RGS6: variants seen among roughly 807,000 people sequenced by gnomAD.
RGS6 encodes regulator of G protein signaling 6.
In RGS6, 30 loss-of-function variants were observed where a neutral mutation model predicts 78.5. The ratio of observed to expected loss-of-function variants is 0.38; its 90% CI spans 0.29 to 0.52. The LOEUF is 0.52. Ranked by LOEUF, RGS6 falls within the 20% of genes least tolerant of loss-of-function variation. The pLI is 0.85. For synonymous variants in RGS6, 206 were observed against 206.0 expected, an observed-to-expected ratio of 1.00 and a Z score of 0.00; for missense variants, 495 against 609.7, an observed-to-expected ratio of 0.81 and a Z score of 1.98.
intron 2 of RGS6, among the ~76,000 whole-genome samples, chr14:72,350,747 A>G (rs184064047): frequency 6.6e-4 from 101 of 152,296 alleles, no homozygotes; most frequent in African/African-American, 2.4e-3. Context: ...ATTTGCTGCC[A>G]TAACTTAATC....
chr14:72,396,519 C>A lies in RGS6; in HGVS notation c.184+44325C>A, dbSNP rs551830010. Among the ~76,000 whole-genome samples, 20 of 152,176 alleles carry A rather than the reference C, an allele frequency of 1.3e-4. No individual in the cohort carries two copies. In the East Asian group the frequency reaches 3.3e-3, roughly 25 times the overall value. ...TGCCTGTTCACTCTGATGGTGGTTT[C>A]TTTTGCTGTGCAGAAGCTCTTTAGT... On this transcript the variant is annotated intron_variant, in intron 3 of 17. Coordinates refer to ENST00000553525, the MANE Select transcript of RGS6 (RefSeq NM_001204424.2).
intron 5 of RGS6, among the ~76,000 whole-genome samples, chr14:72,458,898 A>T (rs1330502317): frequency 6.6e-6 from 1 of 152,208 alleles, no homozygotes; most frequent in Non-Finnish European, 1.5e-5. Flanking sequence ...TTAGGATTTC[A>T]ACATGTGAAT....
chr14:72,230,555 C>T (rs2049294376), intron 2 of RGS6, among the ~76,000 whole-genome samples: 1 of 152,096 alleles, frequency 6.6e-6, no homozygotes, highest in South Asian at 2.1e-4. Flanking sequence ...TCCAGAGACA[C>T]AGTAGGATGG....
chr14:72,215,882 T>C (rs888316053), intron 2 of RGS6, among the ~76,000 whole-genome samples: 1 of 152,190 alleles, frequency 6.6e-6, no homozygotes, highest in Non-Finnish European at 1.5e-5. Flanking sequence ...CTTTGAATAA[T>C]TTTTGCTTCT....
At chr14:71,951,708 G>A (rs752865091) in intron 1 of RGS6, among the ~76,000 whole-genome samples, 17 of 152,144 alleles carry the variant, frequency 1.1e-4, no homozygotes, top group Non-Finnish European at 2.2e-4. Context: ...TGTTTTTACA[G>A]TGTTGGCTAT....
intron 2 of RGS6, among the ~76,000 whole-genome samples, chr14:72,064,534 C>T (rs894384198): frequency 6.6e-6 from 1 of 152,176 alleles, no homozygotes. Flanking sequence ...AATTAGTCAA[C>T]TATTTCTGTG....
At chr14:72,344,734 G>A (rs1411288148) in intron 2 of RGS6, among the ~76,000 whole-genome samples, 1 of 152,202 alleles carries the variant, frequency 6.6e-6, no homozygotes, top group African/African-American at 2.4e-5. Context: ...TTGATATGGA[G>A]AAAAGATAGA....
intron 2 of RGS6, among the ~76,000 whole-genome samples, chr14:72,205,759 A>C (rs1415442984): frequency 2.0e-5 from 3 of 152,242 alleles, no homozygotes; most frequent in Non-Finnish European, 4.4e-5. Context: ...CTCAGAAAAA[A>C]ACAAAAATTA....
chr14:72,356,635 A>G (rs2080349043), intron 3 of RGS6, among the ~76,000 whole-genome samples: 1 of 152,280 alleles, frequency 6.6e-6, no homozygotes, highest in African/African-American at 2.4e-5. Flanking sequence ...CCCACATATC[A>G]TGGAAGGGAC....
Position 72,216,352 on chromosome 14 carries a change from G to A in RGS6, c.85-135743G>A, listed in dbSNP as rs1380069720. Among the ~76,000 whole-genome samples, 11 of 152,282 alleles carry A rather than the reference G, an allele frequency of 7.2e-5. No individual in the cohort carries two copies. In the East Asian group the frequency reaches 2.1e-3, roughly 29 times the overall value. ...TTCTATAAATGTAAAGATGTCACGG[G>A]ACCTCAGGTGTATTCATGCAGGCTT... On this transcript the variant is annotated intron_variant, in intron 2 of 17. Coordinates refer to ENST00000553525, the MANE Select transcript of RGS6 (RefSeq NM_001204424.2).
chr14:72,206,526 G>A (rs1260674514), intron 2 of RGS6, among the ~76,000 whole-genome samples: 1 of 151,984 alleles, frequency 6.6e-6, no homozygotes, highest in East Asian at 1.9e-4. Flanking sequence ...CCTGAGACTG[G>A]GCAATTTACA....
intron 2 of RGS6, among the ~76,000 whole-genome samples, chr14:72,289,861 A>G (rs1262329140): frequency 2.6e-5 from 4 of 152,220 alleles, no homozygotes; most frequent in Admixed American, 6.5e-5. Context: ...TGTTTAGTCA[A>G]TGTCAAGAAG....
At chr14:72,524,532 C>T (rs112501388) in intron 15 of RGS6, among the ~76,000 whole-genome samples, 5,008 of 152,302 alleles carry the variant, frequency 0.033, 287 homozygotes, top group African/African-American at 0.11. Flanking sequence ...CAGTGGCTGC[C>T]TGGCTTCCAT....
At chr14:72,145,179 G>A (rs1001642075) in intron 2 of RGS6, among the ~76,000 whole-genome samples, 7 of 152,142 alleles carry the variant, frequency 4.6e-5, no homozygotes, top group Admixed American at 3.9e-4. Flanking sequence ...TTATCCCCAG[G>A]AGCAATTTGG....
At chr14:72,220,169 T>C (rs972069389) in intron 2 of RGS6, among the ~76,000 whole-genome samples, 3 of 152,192 alleles carry the variant, frequency 2.0e-5, no homozygotes, top group Non-Finnish European at 4.4e-5. Flanking sequence ...GGAATACAGC[T>C]AACCAAGGAG....
intron 2 of RGS6, among the ~76,000 whole-genome samples, chr14:72,316,079 G>A (rs770158206): frequency 6.6e-6 from 1 of 152,156 alleles, no homozygotes; most frequent in East Asian, 1.9e-4. Flanking sequence ...TTTACCGTTT[G>A]TTGTTCCTTT....
Position 72,189,105 on chromosome 14 carries a change from TCTC to T in RGS6, c.85-162988_85-162986del, listed in dbSNP as rs1162034860. Among the ~76,000 whole-genome samples the T allele has an allele frequency of 3.3e-5, 5 of 152,278 alleles. No individual in the cohort carries two copies. The South Asian group carries it at 8.3e-4, about 25-fold the overall frequency. On this transcript the variant is annotated intron_variant, in intron 2 of 17. Coordinates refer to ENST00000553525, the MANE Select transcript of RGS6 (RefSeq NM_001204424.2). ...GTGTTAGACCTTGTGGGCCATATGA[TCTC>T]CATTGCAGCCACTCAACTCTGCCAT...
chr14:72,236,911 G>C (rs901154281), intron 2 of RGS6, among the ~76,000 whole-genome samples: 1 of 152,178 alleles, frequency 6.6e-6, no homozygotes. Flanking sequence ...CTTCCCAGAC[G>C]GGGCGGCGGC....
chr14:72,464,222 G>A (rs1370150618), intron 6 of RGS6, among the ~76,000 whole-genome samples: 1 of 152,100 alleles, frequency 6.6e-6, no homozygotes, highest in African/African-American at 2.4e-5. Flanking sequence ...AATTGCCTTA[G>A]CTAACTCTCC....
Sources: gnomAD v4.1 joint callset for allele counts (sites outside exome capture counted in the v4.1 genomes callset) on GRCh38, gnomAD v4.1.1 for gene constraint, MANE v1.5 for transcripts, NCBI Gene and HGNC (gene_info 2026-07-23, HGNC 2026-07-21) for gene names.